Variants in AP1B1 observed in about 807,000 individuals in gnomAD.
AP1B1 encodes AP-1 complex subunit beta-1.
In AP1B1, 36 loss-of-function variants were observed where a neutral mutation model predicts 104.3. That is an observed-to-expected ratio of 0.35 (90% CI 0.26 to 0.46). The LOEUF (loss-of-function observed/expected upper bound fraction) is 0.46, where lower values mean the gene tolerates loss of function less well. Ranked by LOEUF, AP1B1 falls within the 20% of genes least tolerant of loss-of-function variation. The probability of loss-of-function intolerance (pLI) is 1.00; values close to 1 mark genes in which losing one functional copy is unlikely to be tolerated. For synonymous variants in AP1B1, 504 were observed against 517.5 expected (o/e 0.97, Z 0.35); for missense variants, 901 against 1,247.9 (o/e 0.72, Z 4.19).
At chr22:29,387,221 G>A (rs1041522679) in intron 1 of AP1B1, among the ~76,000 whole-genome samples, 2 of 151,664 alleles carry the variant, frequency 1.3e-5, no homozygotes, top group African/African-American at 2.4e-5. Flanking sequence ...AAAGTAAGTC[G>A]AATGCCCCTT....
Position 29,339,011 on chromosome 22 carries a change from T to A in AP1B1, c.2142A>T (p.Gly714=), listed in dbSNP as rs200898037. The A allele has an allele frequency of 7.4e-6, 12 of 1,614,040 alleles. No individual in the cohort carries two copies. The East Asian group carries it at 2.7e-4, about 36-fold the overall frequency. ...TTACTGCTTTGGGGGCCACATATGA[T>A]CCTGACAGGGTGCCCACGCCACTGG... The part of the protein sequence containing the change: ...DLTSGVGTLS[G]SYVAPKAVWL... Residue 714 remains glycine (G), a synonymous_variant, in exon 16 of 23, where the codon GGA becomes GGT. Transcript: ENST00000357586.
chr22:29,330,313 G>A, intron 21 of AP1B1, 65 bp downstream of exon 21: 2 of 1,601,076 alleles, frequency 1.2e-6, no homozygotes, highest in South Asian at 1.1e-5. Flanking sequence ...CTCCACCAGG[G>A]CCACCCCCTG....
In AP1B1 at chr22:29,340,638, A is replaced by G; in HGVS notation, c.1998+18T>C. On this transcript the variant is annotated intron_variant, in intron 14 of 22. Coordinates refer to ENST00000357586, the MANE Select transcript of AP1B1 (RefSeq NM_001127.4). ...GAGGATCATTATCAACATCATCCAG[A>G]GGGGGCCCACAACATACCAGGCTGT... 1 of 1,522,754 alleles carries G rather than the reference A, an allele frequency of 6.6e-7. No homozygotes were observed. Among genetic ancestry groups the G allele is most frequent in the Non-Finnish European group, 8.9e-7 (1 of 1,129,884 alleles). 94.3% of individuals were successfully genotyped at this position (1,522,754 alleles called of 1,614,324 possible).
At chr22:29,370,571 G>A (rs988633305) in intron 1 of AP1B1, 2 of 152,104 alleles carry the variant, frequency 1.3e-5, no homozygotes, top group African/African-American at 2.4e-5. Flanking sequence ...AGAAAAAGCC[G>A]TCAGAGCCTG....
At chr22:29,378,898 C>T (rs1391209879) in intron 1 of AP1B1, among the ~76,000 whole-genome samples, 2 of 151,064 alleles carry the variant, frequency 1.3e-5, no homozygotes, top group Non-Finnish European at 2.9e-5. Context: ...TCCTGAGGCC[C>T]ACTAGCAATT....
chr22:29,374,790 C>T (rs2062306840), intron 1 of AP1B1, among the ~76,000 whole-genome samples: 1 of 152,288 alleles, frequency 6.6e-6, no homozygotes, highest in Non-Finnish European at 1.5e-5. Flanking sequence ...TGGAAAACTA[C>T]GTAGATACAA....
At chr22:29,337,002 T>A (rs140198265) in intron 16 of AP1B1, among the ~76,000 whole-genome samples, 1 of 152,252 alleles carries the variant, frequency 6.6e-6, no homozygotes, top group South Asian at 2.1e-4. Flanking sequence ...TGAGTACGAG[T>A]TGGCCTCATG....
At chr22:29,375,416 G>A (rs1210014154) in intron 1 of AP1B1, among the ~76,000 whole-genome samples, 2 of 149,854 alleles carry the variant, frequency 1.3e-5, no homozygotes, top group African/African-American at 4.9e-5. Context: ...CCCTAATTTG[G>A]GATCTGTCCT....
rs747391498 is a variant in AP1B1 at position 29,354,668 on chromosome 22, T to C, written c.920A>G (p.Asn307Ser). ...TCAGTACCTTTTCTGCACGATGAGA[T>C]TGATGTTGCGCAGGGCCACATACTG... is the stretch of plus-strand genomic sequence containing the variant. ...ELQYVALRNI[N>S]LIVQKRPEIL... Residue 307 changes from asparagine to serine, a missense_variant, in exon 7 of 23, where the codon AAT (asparagine) becomes AGT (serine). By Grantham distance (46) the Asn-to-Ser change is conservative. Coordinates refer to ENST00000357586, the MANE Select transcript of AP1B1 (RefSeq NM_001127.4). 1.8e-5 allele frequency: 29 copies of C among 1,613,962 alleles called. No individual in the cohort carries two copies. Among genetic ancestry groups the C allele is most frequent in the East Asian group, 4.5e-5 (2 of 44,884 alleles).
chr22:29,354,777 A>T lies in AP1B1; in HGVS notation c.811T>A (p.Ser271Thr), dbSNP rs1448454265. Residue 271 changes from serine (S) to threonine (T), a missense_variant, in exon 7 of 23, where the codon TCT becomes ACT. Ser to Thr is a moderately conservative substitution (Grantham distance 58). Around this residue, in one of 3 missense-constraint regions of AP1B1, gnomAD observed 471 missense variants for 696.7 expected, o/e 0.68. Coordinates refer to ENST00000357586, the MANE Select transcript of AP1B1 (RefSeq NM_001127.4). ...KVLMKFMEML[S>T]KDLDYYGTLL... is the part of the protein sequence containing the mutation. ...GTGCCGTAGTAGTCCAAGTCCTTAG[A>T]CAACATCTCCATGAACTTCATCAGC... 4 of 1,614,060 alleles carry T rather than the reference A, an allele frequency of 2.5e-6. No homozygotes were observed. The highest frequency in any genetic ancestry group is 3.4e-6 in the Non-Finnish European group (4 of 1,180,036).
intron 5 of AP1B1, among the ~76,000 whole-genome samples, chr22:29,357,850 G>C (rs1209233937): frequency 4.6e-5 from 7 of 151,700 alleles, no homozygotes; most frequent in Non-Finnish European, 1.0e-4. Context: ...ACCACACCCG[G>C]CTAATTTTTG....
At chr22:29,373,181 G>C (rs2062269823) in intron 1 of AP1B1, among the ~76,000 whole-genome samples, 2 of 152,136 alleles carry the variant, frequency 1.3e-5, no homozygotes, top group Admixed American at 1.3e-4. Context: ...GGAGGTGGGA[G>C]GACTACTTGA....
intron 1 of AP1B1, among the ~76,000 whole-genome samples, chr22:29,386,299 G>C (rs930354176): frequency 6.6e-6 from 1 of 152,182 alleles, no homozygotes; most frequent in Non-Finnish European, 1.5e-5. Flanking sequence ...TTGAACCCAG[G>C]GCTGACTGAC....
intron 11 of AP1B1, among the ~76,000 whole-genome samples, chr22:29,345,269 G>T (rs999916380): frequency 6.7e-6 from 1 of 149,986 alleles, no homozygotes; most frequent in African/African-American, 2.5e-5. Flanking sequence ...TGTTGCCCAG[G>T]TTGGTCTCGA....
Position 29,354,839 on chromosome 22 carries a change from T to C in AP1B1, c.749A>G (p.His250Arg), listed in dbSNP as rs748802987. The C allele has an allele frequency of 1.9e-6, 3 of 1,614,074 alleles. No individual in the cohort carries two copies. The highest frequency in any genetic ancestry group is 8.5e-7 in the Non-Finnish European group (1 of 1,180,002). Residue 250 changes from histidine to arginine, a missense_variant, in exon 7 of 23, where the codon CAT becomes CGT. Around this residue, in one of 3 missense-constraint regions of AP1B1, gnomAD observed 471 missense variants for 696.7 expected, o/e 0.68. Transcript: ENST00000357586. The part of the protein sequence containing the change: ...ICERVTPRLS[H>R]ANSAVVLSAV... ...AGAGAGCACCACAGCGGAGTTGGCA[T>C]GGGAGAGCCTGGGGGTGACCCGCTC...
At chr22:29,334,231 CTT>C in intron 17 of AP1B1, 32 bp downstream of exon 17, 1 of 1,553,170 alleles carries the variant, frequency 6.4e-7, no homozygotes, top group Non-Finnish European at 8.7e-7. Flanking sequence ...CAGGCCTCCT[CTT>C]GAGAGGTGCG....
chr22:29,344,514 ATTTTTTTTTTTTT>A (rs35466454), intron 11 of AP1B1, among the ~76,000 whole-genome samples: 9 of 93,808 alleles, frequency 9.6e-5, no homozygotes, highest in African/African-American at 3.0e-4. Flanking sequence ...CCTGGCCAAG[ATTTTTTTTTTTTT>A]TTTTTTTTTT....
chr22:29,333,019 G>C (rs1001127885), intron 17 of AP1B1: 3 of 152,520 alleles, frequency 2.0e-5, no homozygotes, highest in African/African-American at 7.2e-5. Context: ...CACACAGTAA[G>C]TTTGCTAGAG....
At position 29,358,713 on chromosome 22, in the gene AP1B1, G is replaced by A; in HGVS notation, c.525+13C>T. ...AGGTGGTGGAGGTAGCACGGTGGGTGGCAGTGGCTTACCATGGGGTTAGAG... is the reference window on the plus strand; with the variant it reads ...AGGTGGTGGAGGTAGCACGGTGGGTAGCAGTGGCTTACCATGGGGTTAGAG... On this transcript the variant is annotated intron_variant, in intron 5 of 22. Transcript: ENST00000357586. 6.2e-6 allele frequency: 10 copies of A among 1,605,632 alleles called. No homozygotes were observed. The highest frequency in any genetic ancestry group is 6.8e-6 in the Non-Finnish European group (8 of 1,173,388).
Sources: gnomAD v4.1 joint callset for allele counts (sites outside exome capture counted in the v4.1 genomes callset) on GRCh38, gnomAD v4.1.1 for gene constraint, gnomAD v4.1.1 regional missense constraint, MANE v1.5 for transcripts, NCBI Gene and HGNC (gene_info 2026-07-23, HGNC 2026-07-21) for gene names.